The following DLG1 variants were observed in gnomAD, a reference collection of about 807,000 sequenced individuals.
DLG1 encodes the protein disks large homolog 1.
DLG1 carries 42 observed loss-of-function variants against 123.4 expected under a neutral mutation model. The observed-to-expected ratio is 0.34, with a 90% confidence interval of 0.27 to 0.44. The LOEUF (loss-of-function observed/expected upper bound fraction) is 0.44, where lower values mean the gene tolerates loss of function less well. DLG1 is among the 20% of genes least tolerant of loss of function. The pLI is 1.00. For synonymous variants in DLG1, 317 were observed against 356.2 expected (o/e 0.89, Z 1.24); for missense variants, 942 against 1,082.6 (o/e 0.87, Z 1.82).
At chr3:197,298,028 C>T (rs1380387039) in intron 1 of DLG1, 1 of 724,638 alleles carries the variant, frequency 1.4e-6, no homozygotes, top group Admixed American at 6.3e-5. Context: ...GCCCCCCGGC[C>T]CGCTCGCCCA....
chr3:197,227,779 G>GA (rs1740755587), intron 4 of DLG1, among the ~76,000 whole-genome samples: 1 of 152,096 alleles, frequency 6.6e-6, no homozygotes, highest in Admixed American at 6.6e-5. Context: ...GTGAGAGAGA[G>GA]AAAAAACTAG....
At chr3:197,169,877 C>G (rs923960517) in intron 5 of DLG1, among the ~76,000 whole-genome samples, 9 of 152,074 alleles carry the variant, frequency 5.9e-5, no homozygotes, top group African/African-American at 2.2e-4. Flanking sequence ...GAATAGTACC[C>G]ATTTAGTTAT....
At chr3:197,197,259 A>G (rs890550232) in intron 4 of DLG1, among the ~76,000 whole-genome samples, 8 of 152,242 alleles carry the variant, frequency 5.3e-5, no homozygotes, top group African/African-American at 1.9e-4. Flanking sequence ...TGGTAAGACT[A>G]CAGGTGGTGG....
chr3:197,055,690 G>GGT lies in DLG1; in HGVS notation c.2484-4024_2484-4023dup, dbSNP rs143728045. On this transcript the variant is annotated intron_variant, in intron 23 of 24. Coordinates refer to ENST00000667157, the MANE Select transcript of DLG1 (RefSeq NM_001366207.1). ...CCCCCAAAAGGGGAGGGGGAAAAAA[G>GGT]GTGTGTGTGTGTGTCTGTGGTGTGG... Among the ~76,000 whole-genome samples, 674 of 151,988 alleles carry GGT rather than the reference G, an allele frequency of 4.4e-3. 8 individuals are homozygous for GGT. The highest frequency in any genetic ancestry group is 0.044 in the Middle Eastern group (13 of 294).
chr3:197,171,638 A>G (rs1409369678), intron 5 of DLG1, among the ~76,000 whole-genome samples: 1 of 152,214 alleles, frequency 6.6e-6, no homozygotes, highest in African/African-American at 2.4e-5. Flanking sequence ...TGTGAGACTC[A>G]CAATATTCAG....
In DLG1 at chr3:197,245,030, C is replaced by T. The variant is rs11917444; in HGVS notation, c.318+37649G>A. Among the ~76,000 whole-genome samples the T allele has an allele frequency of 4.5e-3, 690 of 152,194 alleles. 5 individuals carry two copies. Among genetic ancestry groups the T allele is most frequent in the African/African-American group, 0.016 (661 of 41,514 alleles). ...GCCAACTTCTTTCTGAGGGACAGTT[C>T]GGACCTTTAATAAGGCAATAGGAAG... On this transcript the variant is annotated intron_variant, in intron 4 of 24. Coordinates refer to ENST00000667157, the MANE Select transcript of DLG1 (RefSeq NM_001366207.1).
chr3:197,103,735 A>T (rs957459168), intron 14 of DLG1, among the ~76,000 whole-genome samples: 4 of 150,298 alleles, frequency 2.7e-5, no homozygotes, highest in African/African-American at 7.4e-5. Context: ...GCTAAAAAAC[A>T]TACTAGATTA....
chr3:197,102,565 A>C (rs1764084676), intron 14 of DLG1, among the ~76,000 whole-genome samples: 1 of 152,186 alleles, frequency 6.6e-6, no homozygotes, highest in Admixed American at 6.5e-5. Context: ...TCTTTGTATG[A>C]ATGTGAGGCT....
chr3:197,076,577 C>T lies in DLG1; in HGVS notation c.2005+9G>A. ...TATTTTCAGTTGACCACTGGATCCA[C>T]ATACTTACGGTCAGCATCACTTGTT... On this transcript the variant is annotated intron_variant, in intron 18 of 24. Coordinates refer to ENST00000667157, the MANE Select transcript of DLG1 (RefSeq NM_001366207.1). 2 of 1,602,838 alleles carry T rather than the reference C, an allele frequency of 1.2e-6. No individual in the cohort carries two copies. Among genetic ancestry groups the T allele is most frequent in the Non-Finnish European group, 1.7e-6 (2 of 1,171,632 alleles).
At chr3:197,124,298 A>T (rs1360173115) in intron 11 of DLG1, among the ~76,000 whole-genome samples, 3 of 152,152 alleles carry the variant, frequency 2.0e-5, no homozygotes, top group African/African-American at 7.2e-5. Flanking sequence ...TTTTTCTTAC[A>T]GAGTCTTGCT....
chr3:197,203,169 TAGG>T (rs1315830976), intron 4 of DLG1, among the ~76,000 whole-genome samples: 1 of 151,938 alleles, frequency 6.6e-6, no homozygotes, highest in African/African-American at 2.4e-5. Context: ...AGGCCGAGGG[TAGG>T]AGAACTGCTT....
At chr3:197,104,116 C>T (rs1765022408) in intron 14 of DLG1, among the ~76,000 whole-genome samples, 1 of 152,122 alleles carries the variant, frequency 6.6e-6, no homozygotes, top group Admixed American at 6.5e-5. Context: ...GCGGCAGTAA[C>T]AGCTATTAGA....
In DLG1 at chr3:197,069,276, A is replaced by G. The variant is rs1041582658; in HGVS notation, c.2006-16T>C. The G allele has an allele frequency of 6.4e-7, 1 of 1,569,732 alleles. No individual in the cohort carries two copies. The highest frequency in any genetic ancestry group is 8.7e-7 in the Non-Finnish European group (1 of 1,153,858). On this transcript the variant is annotated splice_polypyrimidine_tract_variant and intron_variant, in intron 18 of 24. Transcript: ENST00000667157. ...GTTACATGCTCTGAAATTGCAGGAC[A>G]ATGAAAAAAAATAAAACAGTGTCAT...
intron 5 of DLG1, among the ~76,000 whole-genome samples, chr3:197,170,650 T>C (rs1249123763): frequency 1.3e-5 from 2 of 152,226 alleles, no homozygotes; most frequent in African/African-American, 4.8e-5. Flanking sequence ...CTTTTTCAGA[T>C]GCACAGTTTG....
intron 5 of DLG1, among the ~76,000 whole-genome samples, chr3:197,179,961 C>G (rs997116707): frequency 6.7e-6 from 1 of 148,154 alleles, no homozygotes; most frequent in Non-Finnish European, 1.5e-5. Flanking sequence ...TTTAAGAAAA[C>G]TTTATTATTC....
intron 4 of DLG1, among the ~76,000 whole-genome samples, chr3:197,267,935 A>G (rs1244407668): frequency 2.6e-5 from 4 of 152,244 alleles, no homozygotes; most frequent in African/African-American, 7.2e-5. Context: ...GAAAGAGGTT[A>G]TAGATATTCC....
intron 6 of DLG1, among the ~76,000 whole-genome samples, chr3:197,149,017 C>G (rs1018909681): frequency 6.6e-6 from 1 of 152,140 alleles, no homozygotes; most frequent in African/African-American, 2.4e-5. Flanking sequence ...GTTATTAACT[C>G]ACCTTTTTCT....
At chr3:197,221,874 A>G (rs2150512991) in intron 4 of DLG1, among the ~76,000 whole-genome samples, 1 of 152,354 alleles carries the variant, frequency 6.6e-6, no homozygotes, top group East Asian at 1.9e-4. Context: ...GACCTCCCAA[A>G]GAGACCAAAA....
intron 14 of DLG1, among the ~76,000 whole-genome samples, chr3:197,100,695 AC>A (rs1478013688): frequency 6.6e-6 from 1 of 152,120 alleles, no homozygotes; most frequent in Non-Finnish European, 1.5e-5. Flanking sequence ...CCCACCCAGA[AC>A]CCCAGAGTTG....
Sources: gnomAD v4.1 joint callset for allele counts (sites outside exome capture counted in the v4.1 genomes callset) on GRCh38, gnomAD v4.1.1 for gene constraint, MANE v1.5 for transcripts, NCBI Gene and HGNC (gene_info 2026-07-23, HGNC 2026-07-21) for gene names.